Variants in OSBPL8 observed in about 807,000 individuals in gnomAD.
The protein encoded by OSBPL8 is oxysterol binding protein like 8, also known as oxysterol-binding protein-related protein 8.
OSBPL8 carries 59 observed loss-of-function variants against 125.5 expected under a neutral mutation model. The observed-to-expected ratio is 0.47, with a 90% CI of 0.38 to 0.58. The LOEUF (loss-of-function observed/expected upper bound fraction) is 0.58. OSBPL8 is among the 20% of genes least tolerant of loss of function. OSBPL8 has a pLI of 0.00. For missense variants in OSBPL8, 758 were observed against 1,047.8 expected, an observed-to-expected ratio of 0.72 and a Z score of 3.82; for synonymous variants, 330 against 338.9, an observed-to-expected ratio of 0.97 and a Z score of 0.29.
At chr12:76,415,449 T>C (rs1294050802) in intron 4 of OSBPL8, among the ~76,000 whole-genome samples, 3 of 152,130 alleles carry the variant, frequency 2.0e-5, no homozygotes, top group African/African-American at 7.2e-5. Flanking sequence ...GGTTTCACCA[T>C]GTTGGCCAGG....
At chr12:76,461,055 C>A (rs953338145) in intron 2 of OSBPL8, among the ~76,000 whole-genome samples, 1 of 152,078 alleles carries the variant, frequency 6.6e-6, no homozygotes, top group African/African-American at 2.4e-5. Flanking sequence ...TGCAGTTTCC[C>A]ATTTAATCTC....
chr12:76,556,830 A>G (rs931553219), intron 1 of OSBPL8, among the ~76,000 whole-genome samples: 1 of 151,820 alleles, frequency 6.6e-6, no homozygotes, highest in Admixed American at 6.6e-5. Flanking sequence ...CGCCCAGCTA[A>G]TTTTTTTGTA....
chr12:76,499,343 T>TATC (rs1879637134), intron 1 of OSBPL8, among the ~76,000 whole-genome samples: 2 of 116,764 alleles, frequency 1.7e-5, no homozygotes, highest in Middle Eastern at 3.8e-3. Context: ...TCTATCTATC[T>TATC]ATCTATCATC....
At chr12:76,442,106 C>A (rs1012374254) in intron 4 of OSBPL8, among the ~76,000 whole-genome samples, 2 of 152,094 alleles carry the variant, frequency 1.3e-5, no homozygotes, top group African/African-American at 4.8e-5. Flanking sequence ...AAAAAAAATT[C>A]TTTGGTGTTC....
chr12:76,402,547 CTA>C (rs140413265), intron 6 of OSBPL8, 140 bp downstream of exon 6: 43,285 of 658,348 alleles, frequency 0.066, 1,782 homozygotes, highest in Admixed American at 0.11. Context: ...TTAACATTTT[CTA>C]TGTGTGCCTG....
At chr12:76,398,757 C>T (rs1436580532) in intron 7 of OSBPL8, among the ~76,000 whole-genome samples, 2 of 152,120 alleles carry the variant, frequency 1.3e-5, no homozygotes, top group African/African-American at 4.8e-5. Context: ...ATCACAGTAA[C>T]TCTCAACAAG....
intron 1 of OSBPL8, among the ~76,000 whole-genome samples, chr12:76,533,803 G>C (rs1254064109): frequency 6.6e-6 from 1 of 152,062 alleles, no homozygotes; most frequent in Non-Finnish European, 1.5e-5. Flanking sequence ...CTATAGCCTG[G>C]GACTTACTAT....
chr12:76,529,410 A>G (rs1238412361), intron 1 of OSBPL8, among the ~76,000 whole-genome samples: 1 of 152,154 alleles, frequency 6.6e-6, no homozygotes, highest in Non-Finnish European at 1.5e-5. Flanking sequence ...ATGTCAGATT[A>G]CGAAACCCAG....
chr12:76,452,246 T>A (rs958447653), intron 3 of OSBPL8, among the ~76,000 whole-genome samples: 1 of 152,234 alleles, frequency 6.6e-6, no homozygotes. Context: ...TCTGTTGCGA[T>A]AGTTTTCAAA....
intron 1 of OSBPL8, among the ~76,000 whole-genome samples, chr12:76,488,759 C>T (rs1878420119): frequency 6.6e-6 from 1 of 152,122 alleles, no homozygotes; most frequent in East Asian, 1.9e-4. Flanking sequence ...TTCCATCAGT[C>T]ACAATAATAT....
intron 4 of OSBPL8, among the ~76,000 whole-genome samples, chr12:76,425,932 A>G (rs1870098692): frequency 6.6e-6 from 1 of 152,106 alleles, no homozygotes; most frequent in East Asian, 1.9e-4. Context: ...AATCATAACC[A>G]AACTCTGGCT....
chr12:76,356,814 G>C (rs1952005621), intron 22 of OSBPL8, 86 bp from the exon 23 acceptor site: 4 of 901,214 alleles, frequency 4.4e-6, no homozygotes, highest in Non-Finnish European at 6.7e-6. Flanking sequence ...AAATTTTCCT[G>C]GGCATTTGTT....
chr12:76,389,048 A>G (rs1324037914), intron 12 of OSBPL8, among the ~76,000 whole-genome samples: 1 of 152,194 alleles, frequency 6.6e-6, no homozygotes, highest in Non-Finnish European at 1.5e-5. Flanking sequence ...TGTTCCTTGC[A>G]AAGTTTACTG....
chr12:76,501,913 A>T (rs1879940213), intron 1 of OSBPL8, among the ~76,000 whole-genome samples: 1 of 152,226 alleles, frequency 6.6e-6, no homozygotes, highest in African/African-American at 2.4e-5. Flanking sequence ...ACTAACATCC[A>T]TAGACTTAGA....
intron 21 of OSBPL8, among the ~76,000 whole-genome samples, chr12:76,359,289 C>T (rs534023448): frequency 5.9e-5 from 9 of 152,220 alleles, no homozygotes; most frequent in South Asian, 2.1e-4. Context: ...TCCAGTAAAA[C>T]GGTTTATTTA....
chr12:76,542,063 C>A (rs531947882), intron 1 of OSBPL8, among the ~76,000 whole-genome samples: 1 of 151,760 alleles, frequency 6.6e-6, no homozygotes, highest in Non-Finnish European at 1.5e-5. Context: ...CCCAGCTACA[C>A]GGGAGGCTGA....
intron 1 of OSBPL8, among the ~76,000 whole-genome samples, chr12:76,538,254 C>T (rs1012596408): frequency 2.0e-5 from 3 of 152,158 alleles, no homozygotes; most frequent in Non-Finnish European, 2.9e-5. Flanking sequence ...TTATATTGCT[C>T]AGAATCATGA....
At chr12:76,450,156 C>T (rs1334137593) in intron 4 of OSBPL8, among the ~76,000 whole-genome samples, 1 of 152,100 alleles carries the variant, frequency 6.6e-6, no homozygotes, top group African/African-American at 2.4e-5. Context: ...GGATACTTGG[C>T]AACATCTGGA....
At chr12:76,414,752 TG>T (rs1868415056) in intron 4 of OSBPL8, among the ~76,000 whole-genome samples, 1 of 152,116 alleles carries the variant, frequency 6.6e-6, no homozygotes, top group Non-Finnish European at 1.5e-5. Context: ...CATGTCCAGC[TG>T]GAACAGGTAC....
Sources: gnomAD v4.1 joint callset for allele counts (sites outside exome capture counted in the v4.1 genomes callset) on GRCh38, gnomAD v4.1.1 for gene constraint, MANE v1.5 for transcripts, NCBI Gene and HGNC (gene_info 2026-07-23, HGNC 2026-07-21) for gene names.